Variants in RAP1GDS1 observed in about 807,000 individuals in gnomAD.
RAP1GDS1 encodes Rap1 GTPase-GDP dissociation stimulator 1.
RAP1GDS1 carries 35 observed loss-of-function variants against 71.1 expected under a neutral mutation model. The observed-to-expected ratio is 0.49, with a 90% CI of 0.38 to 0.65. RAP1GDS1 has a LOEUF of 0.65. Ranked by LOEUF, RAP1GDS1 falls within the 30% of genes least tolerant of loss-of-function variation. RAP1GDS1 has a pLI of 0.00. For synonymous variants in RAP1GDS1, 229 were observed against 243.1 expected (o/e 0.94, Z 0.54); for missense variants, 663 against 706.1 (o/e 0.94, Z 0.69).
At chr4:98,406,920 A>AT (rs1421005863) in intron 7 of RAP1GDS1, among the ~76,000 whole-genome samples, 2 of 152,084 alleles carry the variant, frequency 1.3e-5, no homozygotes, top group Admixed American at 6.6e-5. Context: ...GAAATTAGAA[A>AT]TTTTTCTAGT....
chr4:98,351,689 C>T (rs1737208001), intron 3 of RAP1GDS1, among the ~76,000 whole-genome samples: 1 of 148,820 alleles, frequency 6.7e-6, no homozygotes, highest in South Asian at 2.1e-4. Flanking sequence ...AGTGGTCCAT[C>T]ATGAGACACT....
chr4:98,433,609 CTTG>C (rs1488662202), intron 12 of RAP1GDS1, among the ~76,000 whole-genome samples: 3 of 152,220 alleles, frequency 2.0e-5, no homozygotes, highest in African/African-American at 7.2e-5. Context: ...AAGTTTTATT[CTTG>C]TTTGTCAATC....
chr4:98,346,180 A>G (rs1423463620), intron 3 of RAP1GDS1, among the ~76,000 whole-genome samples: 6 of 152,166 alleles, frequency 3.9e-5, no homozygotes, highest in African/African-American at 1.2e-4. Context: ...CAGAATCAGT[A>G]CTTTTGATTA....
chr4:98,298,391 C>T (rs1728091365), intron 2 of RAP1GDS1, among the ~76,000 whole-genome samples: 1 of 152,146 alleles, frequency 6.6e-6, no homozygotes, highest in African/African-American at 2.4e-5. Flanking sequence ...GAGGTCAATG[C>T]CTGGCTTCAA....
chr4:98,332,112 T>G lies in RAP1GDS1; in HGVS notation c.113-11027T>G, dbSNP rs561036481. Among the ~76,000 whole-genome samples, 21 of 152,342 alleles carry G rather than the reference T, an allele frequency of 1.4e-4. No individual in the cohort carries two copies. In the South Asian group the frequency reaches 2.1e-3, roughly 15 times the overall value. ...AGAATTTTTCTGCAGTGTAATTGCT[T>G]CTTCTTATGGTAAACCCATTTAGAT... On this transcript the variant is annotated intron_variant, in intron 2 of 14. Coordinates refer to ENST00000408927, the MANE Select transcript of RAP1GDS1 (RefSeq NM_001100427.2).
chr4:98,271,637 T>TTC (rs61652543), intron 1 of RAP1GDS1, among the ~76,000 whole-genome samples: 3,697 of 152,274 alleles, frequency 0.024, 144 homozygotes, highest in African/African-American at 0.081. Flanking sequence ...TATATATAAT[T>TTC]ATGTTTTAAT....
chr4:98,282,525 G>A (rs192374116), intron 1 of RAP1GDS1, among the ~76,000 whole-genome samples: 30 of 149,948 alleles, frequency 2.0e-4, no homozygotes, highest in African/African-American at 7.1e-4. Flanking sequence ...TCTTGCTAGC[G>A]GTCTATCAAT....
chr4:98,404,455 G>C, intron 6 of RAP1GDS1, 22 bp from the exon 7 acceptor site: 1 of 1,559,872 alleles, frequency 6.4e-7, no homozygotes, highest in South Asian at 1.2e-5. Flanking sequence ...TTTGGTTTAA[G>C]TTTTTCTTTT....
intron 1 of RAP1GDS1, among the ~76,000 whole-genome samples, chr4:98,288,682 C>T (rs2110270010): frequency 6.6e-6 from 1 of 152,304 alleles, no homozygotes; most frequent in East Asian, 1.9e-4. Flanking sequence ...TTCACATCCT[C>T]TCGAGCACCT....
At chr4:98,372,702 T>G (rs953747580) in intron 4 of RAP1GDS1, among the ~76,000 whole-genome samples, 4 of 152,210 alleles carry the variant, frequency 2.6e-5, no homozygotes, top group African/African-American at 9.6e-5. Context: ...CTTAAAAATT[T>G]GAGACACGGT....
At chr4:98,437,332 C>G (rs934691871) in intron 14 of RAP1GDS1, among the ~76,000 whole-genome samples, 1 of 152,146 alleles carries the variant, frequency 6.6e-6, no homozygotes, top group Non-Finnish European at 1.5e-5. Flanking sequence ...GATAGAATTA[C>G]TTTTCACTGA....
At chr4:98,316,455 A>G (rs1578409168) in intron 2 of RAP1GDS1, among the ~76,000 whole-genome samples, 1 of 152,130 alleles carries the variant, frequency 6.6e-6, no homozygotes, top group African/African-American at 2.4e-5. Flanking sequence ...AGCAGTGGAA[A>G]TTATTAAAGT....
intron 2 of RAP1GDS1, among the ~76,000 whole-genome samples, chr4:98,316,814 C>G (rs914477751): frequency 1.3e-5 from 2 of 152,058 alleles, no homozygotes; most frequent in East Asian, 3.9e-4. Flanking sequence ...TGAGAATAAT[C>G]TAGCTAAAAG....
At chr4:98,438,504 T>A (rs1751443984) in intron 14 of RAP1GDS1, among the ~76,000 whole-genome samples, 1 of 149,378 alleles carries the variant, frequency 6.7e-6, no homozygotes, top group Non-Finnish European at 1.5e-5. Flanking sequence ...GTTTGTCACA[T>A]TTCTTCTTTA....
chr4:98,368,171 G>A (rs1446725038), intron 4 of RAP1GDS1, among the ~76,000 whole-genome samples: 1 of 152,092 alleles, frequency 6.6e-6, no homozygotes. Context: ...ACTGTAAGGG[G>A]GAGTTTTCCT....
intron 4 of RAP1GDS1, among the ~76,000 whole-genome samples, chr4:98,377,246 T>C (rs1014348655): frequency 3.3e-5 from 5 of 151,988 alleles, no homozygotes; most frequent in Non-Finnish European, 7.4e-5. Flanking sequence ...TAGGATGGGA[T>C]GTACTATACC....
At chr4:98,434,458 G>A (rs1258914810) in intron 13 of RAP1GDS1, among the ~76,000 whole-genome samples, 1 of 151,780 alleles carries the variant, frequency 6.6e-6, no homozygotes, top group East Asian at 1.9e-4. Context: ...CTCTACTACC[G>A]ATTCTTTCTT....
chr4:98,379,409 C>T (rs1192121345), intron 5 of RAP1GDS1: 1 of 328,206 alleles, frequency 3.0e-6, no homozygotes, highest in East Asian at 5.4e-5. Context: ...CTCCACAGCC[C>T]TATAGTATGA....
intron 1 of RAP1GDS1, among the ~76,000 whole-genome samples, chr4:98,279,990 T>C (rs1363524625): frequency 6.6e-6 from 1 of 152,242 alleles, no homozygotes; most frequent in Non-Finnish European, 1.5e-5. Context: ...TGCCACATTT[T>C]CTTAATCTAG....
Sources: allele counts gnomAD v4.1 joint callset (sites outside exome capture counted in the v4.1 genomes callset), GRCh38; gene constraint gnomAD v4.1.1; transcripts MANE v1.5; gene names NCBI Gene and HGNC (gene_info 2026-07-23, HGNC 2026-07-21).